Variants in TAFA1 observed in about 807,000 individuals in gnomAD.
TAFA1 encodes chemokine-like protein TAFA-1.
In TAFA1, 4 loss-of-function variants were observed where a neutral mutation model predicts 18.5. The observed-to-expected ratio is 0.22, with a 90% CI of 0.11 to 0.49. TAFA1 has a LOEUF of 0.49. TAFA1 is among the 20% of genes least tolerant of loss of function. TAFA1 has a pLI of 0.98. For synonymous variants in TAFA1, 56 were observed against 55.2 expected (o/e 1.01, Z -0.06); for missense variants, 147 against 169.0 (o/e 0.87, Z 0.72).
chr3:68,070,511 T>G (rs558049224), intron 2 of TAFA1, among the ~76,000 whole-genome samples: 4 of 152,356 alleles, frequency 2.6e-5, no homozygotes, highest in Admixed American at 2.6e-4. Flanking sequence ...TGACATGCCC[T>G]GGAGACATTT....
chr3:68,312,649 A>G (rs891482750), intron 2 of TAFA1, among the ~76,000 whole-genome samples: 1 of 152,176 alleles, frequency 6.6e-6, no homozygotes, highest in African/African-American at 2.4e-5. Flanking sequence ...CACTATGAGC[A>G]TTTTGGGAAA....
chr3:68,199,648 C>A (rs1482390470), intron 2 of TAFA1, among the ~76,000 whole-genome samples: 3 of 151,486 alleles, frequency 2.0e-5, no homozygotes, highest in Non-Finnish European at 4.4e-5. Flanking sequence ...TCAAATTACA[C>A]CTGTTTGTTG....
intron 3 of TAFA1, among the ~76,000 whole-genome samples, chr3:68,449,762 A>T (rs568976022): frequency 1.3e-5 from 2 of 152,302 alleles, no homozygotes; most frequent in African/African-American, 4.8e-5. Flanking sequence ...ATTTATCATC[A>T]AGCTTAAAGC....
chr3:68,327,830 A>T (rs57604261), intron 2 of TAFA1, among the ~76,000 whole-genome samples: 3 of 152,212 alleles, frequency 2.0e-5, no homozygotes, highest in Admixed American at 6.5e-5. Flanking sequence ...AAAGCATGAC[A>T]TAGAGCTGCC....
intron 2 of TAFA1, among the ~76,000 whole-genome samples, chr3:68,023,068 T>C (rs951121842): frequency 4.0e-5 from 6 of 151,544 alleles, no homozygotes; most frequent in Non-Finnish European, 7.4e-5. Context: ...AAAGCCAGTA[T>C]TTGAACTGGG....
intron 2 of TAFA1, among the ~76,000 whole-genome samples, chr3:68,254,236 C>T (rs974849578): frequency 4.0e-5 from 6 of 151,874 alleles, no homozygotes; most frequent in Non-Finnish European, 7.4e-5. Flanking sequence ...GGGCATTGGT[C>T]TTCAACATGG....
chr3:68,397,711 T>C (rs145471969), intron 2 of TAFA1, among the ~76,000 whole-genome samples: 4 of 152,346 alleles, frequency 2.6e-5, no homozygotes, highest in African/African-American at 7.2e-5. Flanking sequence ...ATGGTATTTC[T>C]TGTTCTAGAT....
intron 2 of TAFA1, chr3:68,145,514 G>A: frequency 1.9e-6 from 2 of 1,032,342 alleles, no homozygotes; most frequent in Non-Finnish European, 3.1e-6. Context: ...AGTTGCAGGG[G>A]CCCTGGATGT....
chr3:68,370,472 G>A (rs80344591), intron 2 of TAFA1, among the ~76,000 whole-genome samples: 2,040 of 32,586 alleles, frequency 0.063, 132 homozygotes, highest in East Asian at 0.16. Flanking sequence ...GTGTGTGTGT[G>A]TATATATATA....
the TAFA1 span, among the ~76,000 whole-genome samples, chr3:67,998,092 T>A: frequency 8.7e-3 from 1,322 of 151,896 alleles, 23 homozygotes; most frequent in African/African-American, 0.03. Flanking sequence ...TACAATTTTT[T>A]TAAAAAAACA....
rs138134021 is a variant in TAFA1 at position 68,118,440 on chromosome 3, G to A, written c.118+111696G>A. On this transcript the variant is annotated intron_variant, in intron 2 of 4. Coordinates refer to ENST00000478136, the MANE Select transcript of TAFA1 (RefSeq NM_213609.4). ...CCTGCCGCTCACCTCCTGCTGTATG[G>A]CCCGGTTCCTAACAGGTAACGGACT... Among the ~76,000 whole-genome samples the A allele has an allele frequency of 1.1e-4, 16 of 152,244 alleles. No individual in the cohort carries two copies. The East Asian group carries it at 3.1e-3, about 29-fold the overall frequency.
At chr3:68,365,688 T>C (rs1481133632) in intron 2 of TAFA1, among the ~76,000 whole-genome samples, 3 of 152,198 alleles carry the variant, frequency 2.0e-5, no homozygotes, top group Non-Finnish European at 4.4e-5. Flanking sequence ...CACAGTTCTA[T>C]GTGGCTGGGG....
At chr3:68,094,724 A>G (rs1230452539) in intron 2 of TAFA1, among the ~76,000 whole-genome samples, 1 of 152,108 alleles carries the variant, frequency 6.6e-6, no homozygotes, top group African/African-American at 2.4e-5. Flanking sequence ...TCTCAAGTGT[A>G]AAATAGAGAT....
chr3:68,489,210 C>G (rs2072406936), intron 3 of TAFA1, among the ~76,000 whole-genome samples: 1 of 152,032 alleles, frequency 6.6e-6, no homozygotes, highest in Non-Finnish European at 1.5e-5. Context: ...TTGCTTTGCA[C>G]CTAGGAAGGT....
chr3:68,538,157 AG>A (rs1275705219), intron 3 of TAFA1, among the ~76,000 whole-genome samples: 1 of 152,144 alleles, frequency 6.6e-6, no homozygotes, highest in Admixed American at 6.6e-5. Flanking sequence ...AGAATGCAAA[AG>A]TCTGAAAAAA....
intron 3 of TAFA1, among the ~76,000 whole-genome samples, chr3:68,502,067 A>G (rs966497272): frequency 4.6e-5 from 7 of 152,178 alleles, no homozygotes; most frequent in Non-Finnish European, 1.0e-4. Context: ...CTGATTTGGC[A>G]AAGTGAGAAA....
intron 2 of TAFA1, among the ~76,000 whole-genome samples, chr3:68,124,287 C>G (rs1305006548): frequency 1.3e-5 from 2 of 152,300 alleles, no homozygotes; most frequent in Non-Finnish European, 2.9e-5. Context: ...TCTCACTGTT[C>G]TTAGCAGTTG....
chr3:68,017,398 A>G (rs1704592458), intron 2 of TAFA1, among the ~76,000 whole-genome samples: 1 of 152,228 alleles, frequency 6.6e-6, no homozygotes, highest in South Asian at 2.1e-4. Context: ...CCAGACTTCT[A>G]TCTATCACCA....
At chr3:68,373,249 A>G (rs995117040) in intron 2 of TAFA1, among the ~76,000 whole-genome samples, 14 of 152,192 alleles carry the variant, frequency 9.2e-5, no homozygotes, top group Non-Finnish European at 2.1e-4. Flanking sequence ...AACACCTACT[A>G]AGTGCCCAGC....
Sources: allele counts gnomAD v4.1 joint callset (sites outside exome capture counted in the v4.1 genomes callset), GRCh38; gene constraint gnomAD v4.1.1; transcripts MANE v1.5; gene names NCBI Gene and HGNC (gene_info 2026-07-23, HGNC 2026-07-21).